Variants in DDHD1 observed in about 807,000 individuals in gnomAD.
DDHD1 encodes the protein DDHD domain containing 1.
In DDHD1, 49 loss-of-function variants were observed where a neutral mutation model predicts 96.4. The ratio of observed to expected loss-of-function variants is 0.51; its 90% confidence interval spans 0.40 to 0.64. The LOEUF (loss-of-function observed/expected upper bound fraction) is 0.64, where lower values mean the gene tolerates loss of function less well. Among genes scored for constraint, DDHD1 ranks in the 30% least tolerant of loss-of-function variants. The pLI is 0.00. For synonymous variants in DDHD1, 442 were observed against 446.5 expected (o/e 0.99, Z 0.13); for missense variants, 1,106 against 1,161.2 (o/e 0.95, Z 0.69).
In DDHD1 at chr14:53,046,231, T is replaced by C. The variant is rs1352203595; in HGVS notation, c.*537A>G. The C allele has an allele frequency of 6.6e-6, 1 of 152,202 alleles. No homozygotes were observed. The highest frequency in any genetic ancestry group is 6.5e-5 in the Admixed American group (1 of 15,284). The allele number at this position is 152,202 out of a possible 1,614,324, so 9.4% of individuals were successfully genotyped here. ...GCAATTAGAGGTAATAAATTATAAATACAGTAGTTCAAATATTGTTTTAAG... is the reference window on the plus strand; with the variant it reads ...GCAATTAGAGGTAATAAATTATAAACACAGTAGTTCAAATATTGTTTTAAG... On this transcript the variant is annotated 3_prime_UTR_variant, in exon 13 of 13. Coordinates refer to ENST00000673822, the MANE Select transcript of DDHD1 (RefSeq NM_001160148.2).
At chr14:53,120,964 C>T (rs1272464496) in intron 1 of DDHD1, among the ~76,000 whole-genome samples, 1 of 152,040 alleles carries the variant, frequency 6.6e-6, no homozygotes, top group African/African-American at 2.4e-5. Context: ...AATTAAAGAG[C>T]TTCTGCACAG....
intron 12 of DDHD1, among the ~76,000 whole-genome samples, chr14:53,047,517 T>C (rs2139808656): frequency 6.6e-6 from 1 of 152,298 alleles, no homozygotes; most frequent in South Asian, 2.1e-4. Flanking sequence ...CTAGTGTCCA[T>C]CCAGTCAGCA....
rs980040317 is a variant in DDHD1 at position 53,063,049 on chromosome 14, G to A, written c.1660C>T (p.Arg554Trp). 16 of 1,613,716 alleles carry A rather than the reference G, an allele frequency of 9.9e-6. No homozygotes were observed. The highest frequency in any genetic ancestry group is 4.0e-5 in the African/African-American group (3 of 74,866). ...YDIMTGWNPV[R>W]LYEQLLQKEE... The stretch of plus-strand genomic sequence containing the variant: ...TTTTGCAGCAACTGTTCATACAGCC[G>A]AACTGGATTCCAGCCAGTCATTATG... The change falls in exon 7 of 13, where the codon CGG becomes TGG. Residue 554 changes from arginine to tryptophan, a missense_variant. Physicochemically the swap from Arg to Trp is moderately radical, Grantham distance 101. Coordinates refer to ENST00000673822, the MANE Select transcript of DDHD1 (RefSeq NM_001160148.2).
chr14:53,047,364 G>A (rs1648467150), intron 12 of DDHD1, among the ~76,000 whole-genome samples: 1 of 152,202 alleles, frequency 6.6e-6, no homozygotes, highest in African/African-American at 2.4e-5. Context: ...GAGTGCAAGA[G>A]ATCATTCAAT....
chr14:53,074,703 C>T (rs1053164279), intron 4 of DDHD1, among the ~76,000 whole-genome samples: 1 of 152,078 alleles, frequency 6.6e-6, no homozygotes, highest in Non-Finnish European at 1.5e-5. Context: ...CTACTATAGG[C>T]TCCTTTCTCT....
At chr14:53,060,696 G>GA (rs1211326840) in intron 8 of DDHD1, among the ~76,000 whole-genome samples, 1 of 152,064 alleles carries the variant, frequency 6.6e-6, no homozygotes, top group Non-Finnish European at 1.5e-5. Context: ...TAGATTAGCT[G>GA]ATGTTTCTTG....
intron 4 of DDHD1, among the ~76,000 whole-genome samples, chr14:53,089,888 T>A (rs1019859339): frequency 1.3e-5 from 2 of 152,106 alleles, no homozygotes; most frequent in Non-Finnish European, 2.9e-5. Context: ...CTAATTAAAC[T>A]AAAGAGCTTC....
chr14:53,056,490 T>A (rs1566521042), intron 9 of DDHD1, among the ~76,000 whole-genome samples: 3 of 152,276 alleles, frequency 2.0e-5, no homozygotes, highest in African/African-American at 7.2e-5. Context: ...GGAGATGGGG[T>A]CTCGCCTTGG....
At chr14:53,056,082 C>T (rs902902005) in intron 9 of DDHD1, among the ~76,000 whole-genome samples, 170 bp from the exon 10 acceptor site, 3 of 151,826 alleles carry the variant, frequency 2.0e-5, no homozygotes, top group African/African-American at 4.8e-5. Context: ...TGTTAATATG[C>T]ACTTGATCTA....
At chr14:53,098,575 A>C (rs1348909357) in intron 2 of DDHD1, among the ~76,000 whole-genome samples, 1 of 152,096 alleles carries the variant, frequency 6.6e-6, no homozygotes, top group African/African-American at 2.4e-5. Flanking sequence ...AGAGAAATAA[A>C]GTTAGATAAA....
intron 1 of DDHD1, among the ~76,000 whole-genome samples, chr14:53,135,505 T>C (rs956761968): frequency 1.3e-5 from 2 of 152,206 alleles, no homozygotes; most frequent in African/African-American, 4.8e-5. Context: ...GCCTTGTTGC[T>C]CACACAAAGC....
intron 1 of DDHD1, among the ~76,000 whole-genome samples, chr14:53,128,782 CCT>C (rs1889648478): frequency 6.6e-6 from 1 of 152,192 alleles, no homozygotes; most frequent in Non-Finnish European, 1.5e-5. Context: ...CATCATATCC[CCT>C]GTGACCTGCA....
intron 5 of DDHD1, 53 bp from the exon 6 acceptor site, chr14:53,072,756 G>A: frequency 8.1e-7 from 1 of 1,235,090 alleles, no homozygotes; most frequent in South Asian, 1.3e-5. Context: ...CTCTGTTACA[G>A]GAAAGTAATA....
intron 1 of DDHD1, among the ~76,000 whole-genome samples, chr14:53,133,744 T>A (rs112335126): frequency 6.6e-6 from 1 of 152,170 alleles, no homozygotes; most frequent in African/African-American, 2.4e-5. Context: ...CTTCCAGTCC[T>A]CCAGCAAGCT....
At chr14:53,073,596 A>T in intron 5 of DDHD1, 145 bp downstream of exon 5, 1 of 616,870 alleles carries the variant, frequency 1.6e-6, no homozygotes, top group Non-Finnish European at 2.8e-6. Context: ...TTCTTAATCT[A>T]GAACAAAGGG....
chr14:53,109,836 T>G (rs1595191368), intron 1 of DDHD1, among the ~76,000 whole-genome samples: 1 of 152,194 alleles, frequency 6.6e-6, no homozygotes, highest in Admixed American at 6.5e-5. Flanking sequence ...CAACCAAAGT[T>G]TGAGTTCAAA....
intron 1 of DDHD1, among the ~76,000 whole-genome samples, chr14:53,126,487 C>T (rs949657506): frequency 2.0e-5 from 3 of 152,188 alleles, no homozygotes; most frequent in Non-Finnish European, 1.5e-5. Flanking sequence ...CCCACTTCAG[C>T]TCCCAAGTAG....
At chr14:53,061,262 C>T (rs757760494) in intron 7 of DDHD1, 61 bp from the exon 8 acceptor site, 41 of 1,434,774 alleles carry the variant, frequency 2.9e-5, no homozygotes, top group Non-Finnish European at 3.9e-5. Context: ...ATATTAGATG[C>T]TTGCTAGCTT....
At position 53,153,089 on chromosome 14, in the gene DDHD1, G is replaced by A. The variant is rs2139941080; in HGVS notation, c.10C>T (p.Pro4Ser). 1.4e-6 allele frequency: 2 copies of A among 1,433,998 alleles called. No homozygotes were observed. Among genetic ancestry groups the A allele is most frequent in the Non-Finnish European group, 1.8e-6 (2 of 1,107,176 alleles). The allele number at this position is 1,433,998 out of a possible 1,614,324, so 88.8% of individuals were successfully genotyped here. The part of the protein sequence containing the change: MNY[P>S]GRGSPRSPEH... ...GGGCTCCGTGGGGACCCGCGGCCCG[G>A]GTAATTCATGCTGTGGAGACGCCGC... is the stretch of plus-strand genomic sequence containing the variant. The change falls in exon 1 of 13, where the codon CCG (proline) becomes TCG (serine). Residue 4 changes from proline to serine, a missense_variant. Around this residue, in one of 2 missense-constraint regions of DDHD1, gnomAD observed 456 missense variants for 402.4 expected, o/e 1.13. Transcript: ENST00000673822.
Sources: gnomAD v4.1 joint callset for allele counts (sites outside exome capture counted in the v4.1 genomes callset) on GRCh38, gnomAD v4.1.1 for gene constraint, gnomAD v4.1.1 regional missense constraint, MANE v1.5 for transcripts, NCBI Gene and HGNC (gene_info 2026-07-23, HGNC 2026-07-21) for gene names.